Variants in FAM13A observed in about 807,000 individuals in gnomAD.
FAM13A encodes the protein protein FAM13A.
A neutral mutation model predicts 129.6 loss-of-function variants in FAM13A; 76 were observed. The observed-to-expected ratio is 0.59, with a 90% CI of 0.49 to 0.71. The LOEUF is 0.71. FAM13A is among the 30% of genes least tolerant of loss of function. The pLI is 0.00. For synonymous variants in FAM13A, 443 were observed against 449.9 expected (o/e 0.98, Z 0.20); for missense variants, 1,108 against 1,249.3 (o/e 0.89, Z 1.70).
intron 3 of FAM13A, among the ~76,000 whole-genome samples, chr4:88,999,014 A>G (rs556060493): frequency 4.6e-5 from 7 of 152,308 alleles, no homozygotes; most frequent in African/African-American, 1.7e-4. Flanking sequence ...TATTAGTGAA[A>G]CTACGAATCT....
At chr4:88,910,787 C>T (rs1022659079) in intron 5 of FAM13A, among the ~76,000 whole-genome samples, 13 of 151,762 alleles carry the variant, frequency 8.6e-5, no homozygotes, top group Admixed American at 3.3e-4. Context: ...GTAGCTGGGA[C>T]TACAGGCACG....
At chr4:89,054,065 G>A (rs1306651063) in intron 1 of FAM13A, among the ~76,000 whole-genome samples, 1 of 152,184 alleles carries the variant, frequency 6.6e-6, no homozygotes, top group Non-Finnish European at 1.5e-5. Context: ...TTACAGTAAA[G>A]CAGCTAAATT....
intron 3 of FAM13A, among the ~76,000 whole-genome samples, chr4:88,994,129 G>C (rs1271135320): frequency 6.6e-6 from 1 of 152,160 alleles, no homozygotes; most frequent in Non-Finnish European, 1.5e-5. Flanking sequence ...ATGGAAGACA[G>C]ATTCATCGAT....
intron 1 of FAM13A, among the ~76,000 whole-genome samples, chr4:89,050,386 A>G (rs1419057427): frequency 2.0e-5 from 3 of 151,706 alleles, no homozygotes; most frequent in Non-Finnish European, 4.4e-5. Context: ...TTGTATTTGT[A>G]GTAGAGATGG....
chr4:88,989,297 G>A (rs1475903427), intron 4 of FAM13A, among the ~76,000 whole-genome samples: 1 of 151,960 alleles, frequency 6.6e-6, no homozygotes, highest in African/African-American at 2.4e-5. Flanking sequence ...AACTAGCTAA[G>A]CATTAGTTTA....
intron 7 of FAM13A, among the ~76,000 whole-genome samples, chr4:88,831,307 A>G (rs1267800348): frequency 1.3e-5 from 2 of 152,200 alleles, no homozygotes; most frequent in African/African-American, 4.8e-5. Context: ...ACCTGAGATC[A>G]GCTGCCTTAA....
chr4:89,025,543 C>T (rs947143687), intron 2 of FAM13A, among the ~76,000 whole-genome samples: 3 of 152,040 alleles, frequency 2.0e-5, no homozygotes, highest in Non-Finnish European at 2.9e-5. Context: ...GGATTACAGG[C>T]GTGAGCCACC....
chr4:88,742,046 G>C (rs947066287), intron 19 of FAM13A, among the ~76,000 whole-genome samples: 5 of 152,204 alleles, frequency 3.3e-5, no homozygotes, highest in Non-Finnish European at 5.9e-5. Flanking sequence ...GTGACACATG[G>C]TGAAATATAA....
chr4:89,052,078 T>C (rs1366698321), intron 1 of FAM13A, among the ~76,000 whole-genome samples: 1 of 152,092 alleles, frequency 6.6e-6, no homozygotes, highest in East Asian at 1.9e-4. Flanking sequence ...TCATGCACTC[T>C]GGGCACCGGC....
intron 19 of FAM13A, 28 bp downstream of exon 19, chr4:88,746,904 C>T: frequency 6.9e-7 from 1 of 1,454,326 alleles, no homozygotes; most frequent in Admixed American, 1.7e-5. Flanking sequence ...TAATTGACCC[C>T]AATCAGAAAA....
chr4:88,733,762 G>C (rs1466634226), intron 21 of FAM13A, among the ~76,000 whole-genome samples: 2 of 152,186 alleles, frequency 1.3e-5, no homozygotes, highest in Non-Finnish European at 2.9e-5. Flanking sequence ...AGTTTGAAAA[G>C]AGAACTACAA....
In FAM13A at chr4:88,781,269, C is replaced by T. The variant is rs1376504596; in HGVS notation, c.1354G>A (p.Val452Ile). 6 of 1,612,744 alleles carry T rather than the reference C, an allele frequency of 3.7e-6. No individual in the cohort carries two copies. Among genetic ancestry groups the T allele is most frequent in the East Asian group, 2.2e-5 (1 of 44,820 alleles). The change falls in exon 11 of 24, where the codon GTA becomes ATA. Residue 452 changes from valine to isoleucine, a missense_variant. Around this residue, in one of 3 missense-constraint regions of FAM13A, gnomAD observed 566 missense variants for 595.7 expected, o/e 0.95. Coordinates refer to ENST00000264344, the MANE Select transcript of FAM13A (RefSeq NM_014883.4). ...CILNTQEVEKVHKNTFGCAGE... is the reference protein window; with the variant it reads ...CILNTQEVEKIHKNTFGCAGE... ...GCACAACCAAAAGTATTTTTGTGTA[C>T]CTTTTCGACTTCCTGAGTATTCAAA...
intron 5 of FAM13A, among the ~76,000 whole-genome samples, chr4:88,925,259 T>C (rs1751900861): frequency 6.6e-6 from 1 of 152,192 alleles, no homozygotes; most frequent in Non-Finnish European, 1.5e-5. Context: ...TGCACATGTA[T>C]GTTTATTGCG....
chr4:88,887,587 G>A (rs1333796504), intron 6 of FAM13A, among the ~76,000 whole-genome samples: 2 of 146,984 alleles, frequency 1.4e-5, no homozygotes, highest in Non-Finnish European at 3.0e-5. Flanking sequence ...CTGGAGTGCA[G>A]TAGCATGATC....
At chr4:88,861,814 A>G (rs1739540160) in intron 6 of FAM13A, among the ~76,000 whole-genome samples, 1 of 152,184 alleles carries the variant, frequency 6.6e-6, no homozygotes. Flanking sequence ...CTATCTATCT[A>G]TTCTCATTTT....
chr4:88,750,380 G>T, intron 15 of FAM13A, 44 bp downstream of exon 15: 1 of 1,467,660 alleles, frequency 6.8e-7, no homozygotes, highest in Non-Finnish European at 9.6e-7. Context: ...TTCTGATGTT[G>T]TGGGGATGAT....
chr4:88,866,696 T>C (rs1449520635), intron 6 of FAM13A, among the ~76,000 whole-genome samples: 1 of 152,144 alleles, frequency 6.6e-6, no homozygotes, highest in Non-Finnish European at 1.5e-5. Context: ...ATCATGTAGG[T>C]AAATATTTAA....
At chr4:88,767,690 G>A in intron 12 of FAM13A, 95 bp from the exon 13 acceptor site, 1 of 1,007,266 alleles carries the variant, frequency 9.9e-7, no homozygotes, top group South Asian at 1.7e-5. Flanking sequence ...TTAAGAGTAT[G>A]TTGAGTAGCT....
rs552158797 is a variant in FAM13A at position 88,726,622 on chromosome 4, C to T, written c.*1911G>A. ...CTTATTTAAGAGAGCTATTAAAGGACAGACTAGACATGTATTTTTAAAAAA... is the reference window on the plus strand; with the variant it reads ...CTTATTTAAGAGAGCTATTAAAGGATAGACTAGACATGTATTTTTAAAAAA... On this transcript the variant is annotated 3_prime_UTR_variant, in exon 24 of 24. Coordinates refer to ENST00000264344, the MANE Select transcript of FAM13A (RefSeq NM_014883.4). The T allele has an allele frequency of 4.0e-5, 6 of 148,170 alleles. No homozygotes were observed. The highest frequency in any genetic ancestry group is 1.5e-4 in the African/African-American group (6 of 39,444). 9.2% of individuals were successfully genotyped at this position (148,170 alleles called of 1,614,324 possible).
Sources: gnomAD v4.1 joint callset for allele counts (sites outside exome capture counted in the v4.1 genomes callset) on GRCh38, gnomAD v4.1.1 for gene constraint, gnomAD v4.1.1 regional missense constraint, MANE v1.5 for transcripts, NCBI Gene and HGNC (gene_info 2026-07-23, HGNC 2026-07-21) for gene names.